Variants in NELL1 observed in about 807,000 individuals in gnomAD.
NELL1 encodes the protein neural EGFL like 1.
In NELL1, 76 loss-of-function variants were observed where a neutral mutation model predicts 107.4. That is an observed-to-expected ratio of 0.71 (90% CI 0.59 to 0.86). The LOEUF (loss-of-function observed/expected upper bound fraction) is 0.86. Ranked by LOEUF, NELL1 falls within the 40% of genes least tolerant of loss-of-function variation. The pLI is 0.00. For synonymous variants in NELL1, 353 were observed against 341.2 expected (o/e 1.03, Z -0.38); for missense variants, 1,024 against 1,005.5 (o/e 1.02, Z -0.25).
intron 12 of NELL1, among the ~76,000 whole-genome samples, chr11:21,002,698 A>G (rs1038180026): frequency 2.6e-5 from 4 of 152,168 alleles, no homozygotes; most frequent in Non-Finnish European, 5.9e-5. Flanking sequence ...GAATTGCCTC[A>G]TGTATTGTGG....
intron 2 of NELL1, among the ~76,000 whole-genome samples, chr11:20,747,444 C>CAG (rs754134891): frequency 2.6e-5 from 4 of 152,120 alleles, no homozygotes; most frequent in Non-Finnish European, 5.9e-5. Context: ...AGATGGAATT[C>CAG]AGATGTCTTA....
intron 15 of NELL1, among the ~76,000 whole-genome samples, chr11:21,416,563 T>C (rs983002866): frequency 2.0e-5 from 3 of 152,148 alleles, no homozygotes; most frequent in African/African-American, 7.2e-5. Flanking sequence ...AAAGTTGAGA[T>C]GACAGATAAA....
intron 13 of NELL1, among the ~76,000 whole-genome samples, chr11:21,193,423 AT>A (rs1176433675): frequency 6.6e-6 from 1 of 151,856 alleles, no homozygotes; most frequent in Non-Finnish European, 1.5e-5. Context: ...CCATGCAGAG[AT>A]AACAGCATAT....
intron 14 of NELL1, among the ~76,000 whole-genome samples, chr11:21,259,367 G>T (rs776101452): frequency 6.6e-6 from 1 of 151,880 alleles, no homozygotes; most frequent in Non-Finnish European, 1.5e-5. Context: ...TTATTTCCTT[G>T]GGAATTTCAA....
intron 13 of NELL1, among the ~76,000 whole-genome samples, chr11:21,210,894 C>A (rs969532837): frequency 3.3e-5 from 5 of 152,140 alleles, no homozygotes; most frequent in Non-Finnish European, 7.4e-5. Flanking sequence ...CTTGACCTGT[C>A]TACAGCTTCT....
At chr11:21,405,325 A>G (rs1852209393) in intron 15 of NELL1, among the ~76,000 whole-genome samples, 1 of 152,034 alleles carries the variant, frequency 6.6e-6, no homozygotes, top group African/African-American at 2.4e-5. Context: ...AAAGAATATA[A>G]GAGTATTTTG....
intron 15 of NELL1, among the ~76,000 whole-genome samples, chr11:21,421,259 T>C (rs2133822090): frequency 6.6e-6 from 1 of 152,266 alleles, no homozygotes; most frequent in East Asian, 1.9e-4. Context: ...GGCCAAATCT[T>C]TCTGACGTAA....
intron 5 of NELL1, among the ~76,000 whole-genome samples, chr11:20,901,516 C>T (rs7105313): frequency 0.57 from 85,678 of 151,234 alleles, 29,388 homozygotes; most frequent in Non-Finnish European, 0.77. Context: ...GCTTCTTCCA[C>T]ATTGCTCTCT....
intron 2 of NELL1, among the ~76,000 whole-genome samples, chr11:20,772,288 A>G (rs1396291586): frequency 2.6e-5 from 4 of 152,204 alleles, no homozygotes; most frequent in Non-Finnish European, 5.9e-5. Context: ...GTAGAGAAGT[A>G]ATGATGCTCT....
chr11:20,694,933 G>C (rs934488972), intron 2 of NELL1, among the ~76,000 whole-genome samples: 1 of 151,954 alleles, frequency 6.6e-6, no homozygotes, highest in Non-Finnish European at 1.5e-5. Context: ...AACATGGAAC[G>C]TTTCTTCATT....
At chr11:21,101,521 G>T (rs913767764) in intron 12 of NELL1, among the ~76,000 whole-genome samples, 24 of 152,156 alleles carry the variant, frequency 1.6e-4, no homozygotes, top group Non-Finnish European at 3.1e-4. Flanking sequence ...ACTTTTTAAT[G>T]ATCGCCATTC....
chr11:21,117,878 A>T (rs1051862931), intron 13 of NELL1, among the ~76,000 whole-genome samples: 2 of 151,964 alleles, frequency 1.3e-5, no homozygotes, highest in Non-Finnish European at 2.9e-5. Context: ...CATTGACTAG[A>T]ACTAATCACT....
At chr11:21,443,811 T>C (rs1168758863) in intron 15 of NELL1, among the ~76,000 whole-genome samples, 1 of 151,248 alleles carries the variant, frequency 6.6e-6, no homozygotes, top group Non-Finnish European at 1.5e-5. Context: ...GATTACACCC[T>C]GCACTCTACT....
intron 16 of NELL1, among the ~76,000 whole-genome samples, chr11:21,541,652 G>A (rs1222487484): frequency 6.6e-6 from 1 of 152,038 alleles, no homozygotes; most frequent in Non-Finnish European, 1.5e-5. Flanking sequence ...ATGGAGAGGG[G>A]TTTTAAGGAC....
intron 15 of NELL1, among the ~76,000 whole-genome samples, chr11:21,445,786 C>T (rs1043901534): frequency 2.6e-5 from 4 of 152,036 alleles, no homozygotes; most frequent in South Asian, 2.1e-4. Context: ...TTTATTTTTC[C>T]TTCATGTTTA....
At chr11:20,752,247 G>T (rs1214228012) in intron 2 of NELL1, among the ~76,000 whole-genome samples, 2 of 152,098 alleles carry the variant, frequency 1.3e-5, no homozygotes, top group Non-Finnish European at 2.9e-5. Context: ...TTTGCTGAGA[G>T]ATTTAAAAAA....
chr11:21,415,351 T>C (rs943519814), intron 15 of NELL1, among the ~76,000 whole-genome samples: 11 of 152,064 alleles, frequency 7.2e-5, no homozygotes, highest in African/African-American at 2.4e-5. Flanking sequence ...AAACTAGTGA[T>C]TTAGGCAGGG....
At chr11:21,125,472 T>C (rs1855466259) in intron 13 of NELL1, among the ~76,000 whole-genome samples, 1 of 152,234 alleles carries the variant, frequency 6.6e-6, no homozygotes, top group South Asian at 2.1e-4. Flanking sequence ...TTACAAACTA[T>C]TACTTTTCTA....
At chr11:21,284,646 T>C in intron 14 of NELL1, 1 of 400,314 alleles carries the variant, frequency 2.5e-6, no homozygotes, top group East Asian at 7.2e-5. Context: ...CTGCACAGGT[T>C]TGATTGGTGG....
Sources: allele counts gnomAD v4.1 joint callset (sites outside exome capture counted in the v4.1 genomes callset), GRCh38; gene constraint gnomAD v4.1.1; transcripts MANE v1.5; gene names NCBI Gene and HGNC (gene_info 2026-07-23, HGNC 2026-07-21).